Variants in P2RY14 observed in about 807,000 individuals in gnomAD.
The protein encoded by P2RY14 is purinergic receptor P2Y14, also known as P2Y purinoceptor 14.
Under a neutral mutation model 0.9 loss-of-function variants are expected in P2RY14, and 2 were observed. The ratio of observed to expected loss-of-function variants is 2.16; its 90% CI spans 0.88 to 6.79. P2RY14 has a LOEUF of 6.79. Among genes scored for constraint, P2RY14 ranks in the 30% most tolerant of loss-of-function variants. The probability of loss-of-function intolerance (pLI) is 0.05; values close to 1 mark genes in which losing one functional copy is unlikely to be tolerated. For synonymous variants in P2RY14, 158 were observed against 147.2 expected (o/e 1.07, Z -0.53); for missense variants, 378 against 400.1 (o/e 0.94, Z 0.47).
intron 1 of P2RY14, among the ~76,000 whole-genome samples, chr3:151,273,026 G>A (rs2149567509): frequency 6.6e-6 from 1 of 152,092 alleles, no homozygotes; most frequent in Admixed American, 6.5e-5. Flanking sequence ...TTCAGATTAG[G>A]GATTCTCATC....
intron 1 of P2RY14, among the ~76,000 whole-genome samples, chr3:151,232,659 C>G (rs558644363): frequency 5.3e-5 from 8 of 152,292 alleles, no homozygotes; most frequent in Middle Eastern, 3.4e-3. Flanking sequence ...AGCTGGAAAC[C>G]ATTATCCTTA....
At chr3:151,240,291 C>T (rs1025917219) in intron 1 of P2RY14, among the ~76,000 whole-genome samples, 13 of 152,202 alleles carry the variant, frequency 8.5e-5, no homozygotes, top group Admixed American at 5.2e-4. Context: ...AGAGGTACTC[C>T]TTACCCTTTA....
At chr3:151,225,204 A>G (rs1195527172) in intron 1 of P2RY14, among the ~76,000 whole-genome samples, 1 of 152,124 alleles carries the variant, frequency 6.6e-6, no homozygotes, top group African/African-American at 2.4e-5. Context: ...TCGACTTCAC[A>G]GAAGTTGCTG....
At chr3:151,225,263 C>T (rs1730261316) in intron 1 of P2RY14, among the ~76,000 whole-genome samples, 1 of 152,184 alleles carries the variant, frequency 6.6e-6, no homozygotes, top group African/African-American at 2.4e-5. Flanking sequence ...AGAAATCCTT[C>T]TTCTGCTTAG....
intron 2 of P2RY14, among the ~76,000 whole-genome samples, chr3:151,215,079 G>T (rs897936004): frequency 3.3e-5 from 5 of 151,100 alleles, no homozygotes; most frequent in African/African-American, 1.2e-4. Flanking sequence ...CGGTATTTTT[G>T]GTATGGGATT....
At chr3:151,246,812 C>T (rs1173641574) in intron 1 of P2RY14, among the ~76,000 whole-genome samples, 3 of 152,184 alleles carry the variant, frequency 2.0e-5, no homozygotes, top group Non-Finnish European at 4.4e-5. Flanking sequence ...GCAAAAGATA[C>T]TACCATCAGA....
At chr3:151,237,091 C>G (rs1732982531) in intron 1 of P2RY14, among the ~76,000 whole-genome samples, 1 of 149,670 alleles carries the variant, frequency 6.7e-6, no homozygotes, top group Non-Finnish European at 1.5e-5. Context: ...CTCTGTTGCC[C>G]AGGCTGGAGT....
At chr3:151,233,762 G>T (rs775323321) in intron 1 of P2RY14, among the ~76,000 whole-genome samples, 1 of 152,130 alleles carries the variant, frequency 6.6e-6, no homozygotes, top group Non-Finnish European at 1.5e-5. Context: ...ACACAGCACC[G>T]ACTTGAGAGC....
At position 151,213,767 on chromosome 3, in the gene P2RY14, G is replaced by A. The variant is rs1336732590; in HGVS notation, c.550C>T (p.His184Tyr). 1 of 1,614,096 alleles carries A rather than the reference G, an allele frequency of 6.2e-7. No individual in the cohort carries two copies. The highest frequency in any genetic ancestry group is 8.5e-7 in the Non-Finnish European group (1 of 1,179,968). ...ELKSELGRKW[H>Y]KASNYIFVAI... The stretch of plus-strand genomic sequence containing the variant: ...ACGAAGATGTAGTTTGATGCTTTGT[G>A]CCACTTCCGTCCCAGTTCACTTTTC... Residue 184 changes from histidine to tyrosine, a missense_variant, in exon 3 of 3, where the codon CAC (histidine) becomes TAC (tyrosine). By Grantham distance (83) the His-to-Tyr change is moderately conservative. Coordinates refer to ENST00000309170, the MANE Select transcript of P2RY14 (RefSeq NM_014879.4).
chr3:151,230,694 A>C (rs1731497386), intron 1 of P2RY14, among the ~76,000 whole-genome samples: 1 of 151,840 alleles, frequency 6.6e-6, no homozygotes, highest in Admixed American at 6.6e-5. Flanking sequence ...TTCAAACTTT[A>C]AACCTGCTCA....
intron 1 of P2RY14, among the ~76,000 whole-genome samples, chr3:151,276,841 G>A (rs1045899297): frequency 2.6e-5 from 4 of 152,090 alleles, no homozygotes; most frequent in Non-Finnish European, 5.9e-5. Context: ...CACTTCCCCT[G>A]TGTCTTCATG....
chr3:151,224,025 A>G (rs1379331465), intron 1 of P2RY14, among the ~76,000 whole-genome samples: 1 of 152,184 alleles, frequency 6.6e-6, no homozygotes, highest in African/African-American at 2.4e-5. Flanking sequence ...TATGCCTAAT[A>G]TTACTGCCTA....
chr3:151,219,284 C>T (rs891387442), intron 2 of P2RY14, among the ~76,000 whole-genome samples: 42 of 152,168 alleles, frequency 2.8e-4, no homozygotes, highest in Admixed American at 1.3e-4. Context: ...TTAATTGATA[C>T]AAGGCTGTGC....
rs141726832 is a variant in P2RY14, at chr3:151,267,094, G to C, written c.-133+11193C>G. Among the ~76,000 whole-genome samples the C allele has an allele frequency of 2.7e-3, 415 of 152,266 alleles. 6 individuals are homozygous for C. The highest frequency in any genetic ancestry group is 9.5e-3 in the African/African-American group (393 of 41,556). ...CAGCTCATTCTAGAGTTCATTTCTT[G>C]CGTGTTAGAACTCCTTACATTCTTG... On this transcript the variant is annotated intron_variant, in intron 1 of 2. Transcript: ENST00000309170.
At chr3:151,236,485 C>T (rs933564854) in intron 1 of P2RY14, among the ~76,000 whole-genome samples, 4 of 152,182 alleles carry the variant, frequency 2.6e-5, no homozygotes, top group African/African-American at 9.7e-5. Flanking sequence ...TAATCTCCTT[C>T]AGACTCAGTA....
At chr3:151,231,132 A>T (rs986359353) in intron 1 of P2RY14, among the ~76,000 whole-genome samples, 10 of 152,236 alleles carry the variant, frequency 6.6e-5, no homozygotes, top group Admixed American at 5.9e-4. Context: ...GTTTATGGTG[A>T]TATTAAAAGT....
intron 1 of P2RY14, among the ~76,000 whole-genome samples, chr3:151,256,889 G>T (rs1303586245): frequency 2.0e-5 from 3 of 150,610 alleles, no homozygotes; most frequent in Non-Finnish European, 4.4e-5. Context: ...GGGTCATGGG[G>T]AAAATAGTGT....
intron 1 of P2RY14, among the ~76,000 whole-genome samples, chr3:151,266,676 T>C (rs1739895450): frequency 6.6e-6 from 1 of 152,100 alleles, no homozygotes; most frequent in Admixed American, 6.6e-5. Flanking sequence ...AACATATCAG[T>C]GGAAAGGAAC....
At chr3:151,229,305 C>CT (rs35097589) in intron 1 of P2RY14, among the ~76,000 whole-genome samples, 3,844 of 112,492 alleles carry the variant, frequency 0.034, 162 homozygotes, top group African/African-American at 0.079. Context: ...TTCAGCAATT[C>CT]TTTTTTTTTT....
Sources: allele counts gnomAD v4.1 joint callset (sites outside exome capture counted in the v4.1 genomes callset), GRCh38; gene constraint gnomAD v4.1.1; transcripts MANE v1.5; gene names NCBI Gene and HGNC (gene_info 2026-07-23, HGNC 2026-07-21).